The following PCDHGB3 variants were observed in gnomAD, a reference collection of about 807,000 sequenced individuals.
The protein encoded by PCDHGB3 is protocadherin gamma-B3.
In PCDHGB3, 40 loss-of-function variants were observed where a neutral mutation model predicts 59.2. That is an observed-to-expected ratio of 0.68 (90% confidence interval 0.52 to 0.88). The LOEUF (loss-of-function observed/expected upper bound fraction) is 0.88, where lower values mean the gene tolerates loss of function less well. PCDHGB3 is among the 40% of genes least tolerant of loss of function. The pLI, the probability that PCDHGB3 is intolerant of heterozygous loss-of-function variation, is 0.00. For missense variants in PCDHGB3, 1,309 were observed against 1,187.9 expected (o/e 1.10, Z -1.50); for synonymous variants, 581 against 503.6 (o/e 1.15, Z -2.06).
In PCDHGB3 at chr5:141,371,864, C is replaced by T. The variant is rs751844207; in HGVS notation, c.1470C>T (p.Tyr490=). The change falls in exon 1 of 4, where the codon TAC becomes TAT. Residue 490 remains tyrosine (Y), a synonymous_variant. Coordinates refer to ENST00000576222, the MANE Select transcript of PCDHGB3 (RefSeq NM_018924.5). ...DLGPNGLVSY[Y]IVASDLEPRE... ...GACCTAATGGCCTTGTCTCCTACTA[C>T]ATCGTGGCCAGTGACCTGGAGCCGC... 6.2e-7 allele frequency: 1 copy of T among 1,613,570 alleles called. No homozygotes were observed. Among genetic ancestry groups the T allele is most frequent in the South Asian group, 1.1e-5 (1 of 91,088 alleles).
At chr5:141,404,437 C>T in intron 1 of PCDHGB3, 3 of 1,613,094 alleles carry the variant, frequency 1.9e-6, no homozygotes, top group Non-Finnish European at 2.5e-6. Context: ...CAGAGGATAC[C>T]ATCCAAGGGT....
intron 1 of PCDHGB3, among the ~76,000 whole-genome samples, chr5:141,405,997 C>T (rs1589599248): frequency 6.6e-6 from 1 of 151,926 alleles, no homozygotes; most frequent in Non-Finnish European, 1.5e-5. Context: ...TAGCTCTCAG[C>T]CTGCATTGAT....
chr5:141,471,044 CT>C (rs1432278092), intron 1 of PCDHGB3, among the ~76,000 whole-genome samples: 3 of 136,442 alleles, frequency 2.2e-5, no homozygotes. Flanking sequence ...AGCCCAAGCC[CT>C]CTTTTTTTTT....
intron 1 of PCDHGB3, chr5:141,376,411 C>G (rs904052827): frequency 4.3e-6 from 7 of 1,614,180 alleles, no homozygotes; most frequent in South Asian, 3.3e-5. Flanking sequence ...CCAACTATGC[C>G]GACACGCTTA....
At chr5:141,398,287 C>G in intron 1 of PCDHGB3, 1 of 1,396,196 alleles carries the variant, frequency 7.2e-7, no homozygotes, top group Non-Finnish European at 9.8e-7. Flanking sequence ...CGCCACGGAC[C>G]TGGGGTTCAG....
chr5:141,370,582 C>T lies in PCDHGB3; in HGVS notation c.188C>T (p.Thr63Ile), dbSNP rs1455382111. The change falls in exon 1 of 4, where the codon ACT (threonine) becomes ATT (isoleucine). Residue 63 changes from threonine to isoleucine, a missense_variant. Coordinates refer to ENST00000576222, the MANE Select transcript of PCDHGB3 (RefSeq NM_018924.5). ...GGGTTTGGCGTGGGGGATTTACCTACTAGGAACCTGCGGGTTATTGCAGAG... is the reference window on the plus strand; with the variant it reads ...GGGTTTGGCGTGGGGGATTTACCTATTAGGAACCTGCGGGTTATTGCAGAG... ...DLGFGVGDLP[T>I]RNLRVIAEKK... The T allele has an allele frequency of 6.2e-7, 1 of 1,613,890 alleles. No homozygotes were observed. Among genetic ancestry groups the T allele is most frequent in the Non-Finnish European group, 8.5e-7 (1 of 1,179,878 alleles).
chr5:141,510,898 T>G (rs1393880610), intron 3 of PCDHGB3, 49 bp from the exon 4 acceptor site: 1 of 1,613,278 alleles, frequency 6.2e-7, no homozygotes, highest in East Asian at 2.2e-5. Context: ...ACAGTGACTG[T>G]TGAGGACCCT....
chr5:141,379,268 T>C (rs1775481611), intron 1 of PCDHGB3: 1 of 152,258 alleles, frequency 6.6e-6, no homozygotes, highest in Non-Finnish European at 1.5e-5. Flanking sequence ...GGAATTGTTA[T>C]AGATTTATTT....
intron 1 of PCDHGB3, among the ~76,000 whole-genome samples, chr5:141,434,831 A>T (rs1328843764): frequency 6.6e-6 from 1 of 151,904 alleles, no homozygotes; most frequent in East Asian, 1.9e-4. Flanking sequence ...TACACTTGGC[A>T]TTTATAAAGC....
Position 141,413,166 on chromosome 5 carries a change from C to T in PCDHGB3, c.2415+40357C>T, listed in dbSNP as rs758193163. ...GTGAGGACTTTGCAGAATTCTGTAA[C>T]CAGACTACAATGGCCGCTCAAAGGA... On this transcript the variant is annotated intron_variant, in intron 1 of 3. Transcript: ENST00000576222. 5 of 1,590,278 alleles carry T rather than the reference C, an allele frequency of 3.1e-6. No individual in the cohort carries two copies. The East Asian group carries it at 1.1e-4, about 36-fold the overall frequency.
At chr5:141,403,420 A>G in intron 1 of PCDHGB3, 1 of 1,614,050 alleles carries the variant, frequency 6.2e-7, no homozygotes, top group African/African-American at 1.3e-5. Flanking sequence ...CACTTCCAGA[A>G]GCTATTGATC....
At chr5:141,462,217 C>T (rs1469685983) in intron 1 of PCDHGB3, among the ~76,000 whole-genome samples, 1 of 152,216 alleles carries the variant, frequency 6.6e-6, no homozygotes, top group South Asian at 2.1e-4. Flanking sequence ...GCCTCGGCCT[C>T]CCAAAGTGCA....
chr5:141,454,990 T>C (rs548911982), intron 1 of PCDHGB3, among the ~76,000 whole-genome samples: 1 of 151,490 alleles, frequency 6.6e-6, no homozygotes, highest in African/African-American at 2.4e-5. Context: ...TAAAAAATAT[T>C]TTTAGTAGAG....
chr5:141,487,890 G>C lies in PCDHGB3; in HGVS notation c.2416-6917G>C. 3 of 745,430 alleles carry C rather than the reference G, an allele frequency of 4.0e-6. No homozygotes were observed. Among genetic ancestry groups the C allele is most frequent in the Non-Finnish European group, 6.5e-6 (3 of 462,522 alleles). The allele number at this position is 745,430 out of a possible 1,614,324, so 46.2% of individuals were successfully genotyped here. A position where few individuals can be genotyped will look rare whatever the true frequency, so the allele number is the denominator to read the frequency against. On this transcript the variant is annotated intron_variant, in intron 1 of 3. Coordinates refer to ENST00000576222, the MANE Select transcript of PCDHGB3 (RefSeq NM_018924.5). This position sits in a 1 kb window ranked among gnomAD's most constrained non-coding sequence, Gnocchi z 5.0. ...AAGAGCCAGGCTGTTGTGGAAGCAT[G>C]ATGATGGAATGTGGGAGCACAGGAG...
At chr5:141,438,633 TATACACACAC>T (rs1369232099) in intron 1 of PCDHGB3, among the ~76,000 whole-genome samples, 454 of 33,892 alleles carry the variant, frequency 0.013, 1 homozygote, top group Non-Finnish European at 0.019. Flanking sequence ...TATATATATA[TATACACACAC>T]ACACACACAT....
At chr5:141,393,820 C>T (rs2092851099) in intron 1 of PCDHGB3, 1 of 1,613,918 alleles carries the variant, frequency 6.2e-7, no homozygotes, top group Non-Finnish European at 8.5e-7. Context: ...TTGCTCATTT[C>T]GGTGGAAGAT....
rs2150230162 is a variant in PCDHGB3, at chr5:141,383,367, G to T, written c.2415+10558G>T. The T allele has an allele frequency of 1.9e-6, 3 of 1,614,030 alleles. No individual in the cohort carries two copies. The East Asian group carries it at 6.7e-5, about 36-fold the overall frequency. ...CTGGGGTTCGGTTTCCGTTAAGCGA[G>T]GCTGGGGATCCAGATGTGGGCACGA... On this transcript the variant is annotated intron_variant, in intron 1 of 3. Transcript: ENST00000576222.
chr5:141,478,045 T>A, intron 1 of PCDHGB3: 1 of 1,614,144 alleles, frequency 6.2e-7, no homozygotes, highest in Non-Finnish European at 8.5e-7. Context: ...CCAGGCAGAC[T>A]CTCACGGTCT....
rs951029522 is a variant in PCDHGB3, at chr5:141,487,944, G to A, written c.2416-6863G>A. 6.6e-6 allele frequency among the ~76,000 whole-genome samples: 1 copy of A among 152,164 alleles called. No homozygotes were observed. Among genetic ancestry groups the A allele is most frequent in the Admixed American group, 6.5e-5 (1 of 15,282 alleles). On this transcript the variant is annotated intron_variant, in intron 1 of 3. Transcript: ENST00000576222. The surrounding 1 kb of genome is among the most constrained non-coding windows in gnomAD (Gnocchi z 5.0). ...ACAGTGCACAGGGTACAGTGCACCA[G>A]GCAGTCACTTGGACAAAGGTGGCTG...
Sources: allele counts gnomAD v4.1 joint callset (sites outside exome capture counted in the v4.1 genomes callset), GRCh38; gene constraint gnomAD v4.1.1; non-coding constraint Gnocchi (gnomAD v3.1); transcripts MANE v1.5; gene names NCBI Gene and HGNC (gene_info 2026-07-23, HGNC 2026-07-21).